The following ABCA2 variants were observed in gnomAD, a reference collection of about 807,000 sequenced individuals.
The protein encoded by ABCA2 is ATP-binding cassette sub-family A member 2.
ABCA2 carries 84 observed loss-of-function variants against 262.8 expected under a neutral mutation model. That is an observed-to-expected ratio of 0.32 (90% CI 0.27 to 0.38). The LOEUF (loss-of-function observed/expected upper bound fraction) is 0.38, where lower values mean the gene tolerates loss of function less well. ABCA2 is among the 10% of genes least tolerant of loss of function. ABCA2 has a pLI of 1.00. For missense variants in ABCA2, 2,662 were observed against 3,405.9 expected (o/e 0.78, Z 5.44); for synonymous variants, 1,696 against 1,502.9 (o/e 1.13, Z -2.97).
rs1831526017 is a variant in ABCA2 at position 137,022,926 on chromosome 9, C to CG, written c.275+14dup. On this transcript the variant is annotated intron_variant, in intron 4 of 48. Coordinates refer to ENST00000341511, the MANE Select transcript of ABCA2 (RefSeq NM_001606.5). The stretch of plus-strand genomic sequence containing the variant: ...GGGGAGGGGTGGGTGCTCCGAGGGG[C>CG]GGGTGGGCACTCACGTGGAGTTGGC... 2.8e-6 allele frequency: 1 copy of CG among 358,822 alleles called. No homozygotes were observed. The highest frequency in any genetic ancestry group is 3.8e-5 in the Admixed American group (1 of 26,280). 22.2% of individuals were successfully genotyped at this position (358,822 alleles called of 1,614,324 possible).
In ABCA2 at chr9:137,011,765, C is replaced by T. The variant is rs1430848617; in HGVS notation, c.5536-16G>A. 11 of 1,366,674 alleles carry T rather than the reference C, an allele frequency of 8.0e-6. No homozygotes were observed. Among genetic ancestry groups the T allele is most frequent in the Admixed American group, 2.0e-5 (1 of 49,846 alleles). 84.7% of individuals were successfully genotyped at this position (1,366,674 alleles called of 1,614,324 possible). On this transcript the variant is annotated splice_polypyrimidine_tract_variant and intron_variant, in intron 35 of 48. Transcript: ENST00000341511. This position sits in a 1 kb window ranked among gnomAD's most constrained non-coding sequence, Gnocchi z 8.8. ...GGTAGTTGAGCTGCAGGGGTGGGGG[C>T]GGCTGGTGAGAGACCCGGGGCAGGG...
At position 137,011,419 on chromosome 9, in the gene ABCA2, G is replaced by C; in HGVS notation, c.5787C>G (p.Phe1929Leu). The change falls in exon 37 of 49, where the codon TTC becomes TTG. Residue 1929 changes from phenylalanine (F) to leucine (L), a missense_variant. Physicochemically the swap from Phe to Leu is conservative, Grantham distance 22. Transcript: ENST00000341511. The surrounding 1 kb of genome is among the most constrained non-coding windows in gnomAD (Gnocchi z 8.8). ...ATVATFLLQLFEHDKDLKVVN... is the reference protein window; with the variant it reads ...ATVATFLLQLLEHDKDLKVVN... Reference sequence around the variant, plus strand: ...GTCACCGCCCCACCTTGTCGTGCTCGAAGAGCTGTAGCAGGAAGGTGGCCA... The same window carrying C: ...GTCACCGCCCCACCTTGTCGTGCTCCAAGAGCTGTAGCAGGAAGGTGGCCA... The C allele has an allele frequency of 6.2e-7, 1 of 1,611,176 alleles. No individual in the cohort carries two copies. The highest frequency in any genetic ancestry group is 8.5e-7 in the Non-Finnish European group (1 of 1,179,276).
In ABCA2 at chr9:137,019,028, A is replaced by T; in HGVS notation, c.1597T>A (p.Ser533Thr). The T allele has an allele frequency of 6.2e-7, 1 of 1,612,674 alleles. No homozygotes were observed. Among genetic ancestry groups the T allele is most frequent in the African/African-American group, 1.3e-5 (1 of 75,016 alleles). ...AGGGCCGGCGGCAGCTCATCCAGTG[A>T]CAGGTTCAGTGCCTCGGGGTGCAGC... is the stretch of plus-strand genomic sequence containing the variant. ...LRLHPEALNL[S>T]LDELPPALRQ... is the part of the protein sequence containing the mutation. The change falls in exon 12 of 49, where the codon TCA (serine) becomes ACA (threonine). Residue 533 changes from serine to threonine, a missense_variant. Around this residue, in one of 12 missense-constraint regions of ABCA2, gnomAD observed 187 missense variants for 205.9 expected, o/e 0.91. Coordinates refer to ENST00000341511, the MANE Select transcript of ABCA2 (RefSeq NM_001606.5). The surrounding 1 kb of genome is among the most constrained non-coding windows in gnomAD (Gnocchi z 4.4).
chr9:137,021,400 A>G lies in ABCA2; in HGVS notation c.889T>C (p.Ser297Pro). The change falls in exon 8 of 49, where the codon TCC (serine) becomes CCC (proline). Residue 297 changes from serine (S) to proline (P), a missense_variant. Ser to Pro is a moderately conservative substitution (Grantham distance 74). Around this residue, in one of 12 missense-constraint regions of ABCA2, gnomAD observed 403 missense variants for 375.9 expected, o/e 1.07. Coordinates refer to ENST00000341511, the MANE Select transcript of ABCA2 (RefSeq NM_001606.5). This position sits in a 1 kb window ranked among gnomAD's most constrained non-coding sequence, Gnocchi z 6.0. The stretch of plus-strand genomic sequence containing the variant: ...GGCAGGCAGGGCCTCACCTGCTGGG[A>G]GACCTTGGCCACGTCCAGCTGGTTC... ...LRNQLDVAKV[S>P]QQLGLDAPNG... The G allele has an allele frequency of 1.9e-6, 3 of 1,607,236 alleles. No individual in the cohort carries two copies. The highest frequency in any genetic ancestry group is 2.5e-6 in the Non-Finnish European group (3 of 1,179,712).
In ABCA2 at chr9:137,008,459, A is replaced by G. The variant is rs1019764433; in HGVS notation, c.7232T>C (p.Leu2411Pro). 1 of 1,560,088 alleles carries G rather than the reference A, an allele frequency of 6.4e-7. No individual in the cohort carries two copies. The highest frequency in any genetic ancestry group is 8.7e-7 in the Non-Finnish European group (1 of 1,152,636). The change falls in exon 48 of 49, where the codon CTG becomes CCG. Residue 2411 changes from leucine to proline, a missense_variant. Leu to Pro is a moderately conservative substitution (Grantham distance 98). Transcript: ENST00000341511. The part of the protein sequence containing the change: ...RALVADEPED[L>P]DTEDEGLISF... ...GATGAGGCCCTCGTCCTCCGTGTCC[A>G]GGTCCTCGGGCTCGTCTGCCACAAG...
intron 30 of ABCA2, 25 bp downstream of exon 30, chr9:137,012,977 C>A (rs1378201202): frequency 6.8e-7 from 1 of 1,480,352 alleles, no homozygotes; most frequent in Non-Finnish European, 9.0e-7. Context: ...CCCCTGCCCC[C>A]CCAGCAGGCC....
intron 13 of ABCA2, 92 bp downstream of exon 13, chr9:137,018,627 A>C (rs1831346742): frequency 1.1e-6 from 1 of 937,092 alleles, no homozygotes; most frequent in Non-Finnish European, 1.5e-6. Context: ...GGGCGCGGCC[A>C]AGGAGTGGGA....
intron 5 of ABCA2, 30 bp from the exon 6 acceptor site, chr9:137,022,508 G>GC (rs1564230454): frequency 1.2e-6 from 2 of 1,603,560 alleles, no homozygotes; most frequent in African/African-American, 2.7e-5. Flanking sequence ...AGGCTGAGAG[G>GC]CCGCTGCACC....
rs780785580 is a variant in ABCA2 at position 137,017,250 on chromosome 9, C to A, written c.2499G>T (p.Ala833=). Residue 833 remains alanine, a synonymous_variant, in exon 18 of 49, where the codon GCG becomes GCT. Transcript: ENST00000341511. ...FLSYVPYMYV[A]IREEVAHDKI... ...TATCATGCGCCACCTCCTCTCGGAT[C>A]GCCACGTACATGTAGGGCACGTAGC... 1.2e-6 allele frequency: 2 copies of A among 1,612,546 alleles called. No individual in the cohort carries two copies. Among genetic ancestry groups the A allele is most frequent in the Non-Finnish European group, 1.7e-6 (2 of 1,179,924 alleles).
Position 137,015,578 on chromosome 9 carries a change from G to C in ABCA2, c.3533C>G (p.Ser1178Cys). 6.2e-7 allele frequency: 1 copy of C among 1,612,500 alleles called. No homozygotes were observed. Among genetic ancestry groups the C allele is most frequent in the Non-Finnish European group, 8.5e-7 (1 of 1,179,770 alleles). The change falls in exon 24 of 49, where the codon TCC becomes TGC. Residue 1178 changes from serine to cysteine, a missense_variant. Physicochemically the swap from Ser to Cys is moderately radical, Grantham distance 112 (BLOSUM62 -1). Transcript: ENST00000341511. ...KYKPGRTILL[S>C]THHMDEADLL... The stretch of plus-strand genomic sequence containing the variant: ...GTCAGCCTCATCCATGTGGTGGGTG[G>C]ACAGAAGGATGGTGCGGCCTAGGAC...
chr9:137,015,651 C>T, intron 23 of ABCA2, 24 bp downstream of exon 23: 2 of 1,610,150 alleles, frequency 1.2e-6, no homozygotes, highest in Non-Finnish European at 1.7e-6. Flanking sequence ...GCCCGCACCC[C>T]TGCCCACACG....
At chr9:137,027,054 G>A (rs906773855) in intron 1 of ABCA2, among the ~76,000 whole-genome samples, 3 of 152,232 alleles carry the variant, frequency 2.0e-5, no homozygotes, top group African/African-American at 7.2e-5. Flanking sequence ...AAACAGGCAC[G>A]GACTGGTGCA....
chr9:137,017,591 G>A lies in ABCA2; in HGVS notation c.2313C>T (p.Ile771=), dbSNP rs1831307714. The A allele has an allele frequency of 6.2e-7, 1 of 1,612,660 alleles. No individual in the cohort carries two copies. The highest frequency in any genetic ancestry group is 1.3e-5 in the African/African-American group (1 of 74,942). ...LSISVTALTA[I]LKYGQVLMHS... ...GCATAAGCACCTGGCCGTACTTCAG[G>A]ATGGCGGTGAGTGCTGTCACGGAGA... The change falls in exon 17 of 49, where the codon ATC becomes ATT. Residue 771 remains isoleucine, a synonymous_variant. Transcript: ENST00000341511.
At chr9:137,024,870 C>G (rs1258790088) in intron 1 of ABCA2, among the ~76,000 whole-genome samples, 1 of 151,324 alleles carries the variant, frequency 6.6e-6, no homozygotes, top group Non-Finnish European at 1.5e-5. Context: ...GCGATCTCAG[C>G]TCACTGCAAG....
At chr9:137,012,229 TCCCCG>T (rs748119956) in intron 33 of ABCA2, 31 bp downstream of exon 33, 33 of 951,530 alleles carry the variant, frequency 3.5e-5, no homozygotes, top group Middle Eastern at 3.4e-4. Flanking sequence ...CCCCAGCTCC[TCCCCG>T]CCCCGCCCCG....
Position 137,014,878 on chromosome 9 carries a change from C to A in ABCA2, c.3882+35G>T, listed in dbSNP as rs371939212. 6.8e-5 allele frequency: 108 copies of A among 1,577,532 alleles called. No homozygotes were observed. In the Middle Eastern group the frequency reaches 1.0e-3, roughly 15 times the overall value. The stretch of plus-strand genomic sequence containing the variant: ...GGCAGGAGTGCGCCCACCTCCACCA[C>A]CTGCAACTGCCCCCCGACCCGTGCG... On this transcript the variant is annotated intron_variant, in intron 25 of 48. Coordinates refer to ENST00000341511, the MANE Select transcript of ABCA2 (RefSeq NM_001606.5).
chr9:137,013,465 A>ACTC lies in ABCA2; in HGVS notation c.4543_4545dup (p.Glu1515dup), dbSNP rs1161220837. The ACTC allele has an allele frequency of 1.9e-6, 3 of 1,604,204 alleles. No individual in the cohort carries two copies. The highest frequency in any genetic ancestry group is 4.5e-5 in the East Asian group (2 of 44,540). The stretch of plus-strand genomic sequence containing the variant: ...TGCCCCCGCTGGAGGCCTCACCGGT[A>ACTC]CTCGCGGCGCTCCTCGTTGGCGTAG... On this transcript the variant is annotated inframe_insertion, in exon 29 of 49. Transcript: ENST00000341511.
In ABCA2 at chr9:137,016,157, A is replaced by G. The variant is rs1312268461; in HGVS notation, c.3122T>C (p.Leu1041Pro). The change falls in exon 22 of 49, where the codon CTG becomes CCG. Residue 1041 changes from leucine to proline, a missense_variant. Physicochemically the swap from Leu to Pro is moderately conservative, Grantham distance 98. Transcript: ENST00000341511. ...KTTTMSILTG[L>P]FPPTSGSATI... is the part of the protein sequence containing the mutation. Reference sequence around the variant, plus strand: ...GGCGGAACCCGACGTTGGAGGGAACAGGCCGGTCAGGATGGACCTGGGTAG... The same window carrying G: ...GGCGGAACCCGACGTTGGAGGGAACGGGCCGGTCAGGATGGACCTGGGTAG... 6.2e-7 allele frequency: 1 copy of G among 1,612,806 alleles called. No homozygotes were observed. Among genetic ancestry groups the G allele is most frequent in the Non-Finnish European group, 8.5e-7 (1 of 1,179,982 alleles).
At chr9:137,016,856 G>A in intron 19 of ABCA2, 64 bp downstream of exon 19, 1 of 1,585,882 alleles carries the variant, frequency 6.3e-7, no homozygotes, top group Non-Finnish European at 8.6e-7. Context: ...GACACAGACT[G>A]CTGGTCCCCA....
Sources: allele counts gnomAD v4.1 joint callset (sites outside exome capture counted in the v4.1 genomes callset), GRCh38; gene constraint gnomAD v4.1.1; regional missense constraint gnomAD v4.1.1; non-coding constraint Gnocchi (gnomAD v3.1); transcripts MANE v1.5; gene names NCBI Gene and HGNC (gene_info 2026-07-23, HGNC 2026-07-21).